The following ATE1 variants were observed in gnomAD, a reference collection of about 807,000 sequenced individuals.
ATE1 encodes arginyltransferase 1.
In ATE1, 36 loss-of-function variants were observed where a neutral mutation model predicts 70.5. The observed-to-expected ratio is 0.51, with a 90% CI of 0.39 to 0.67. The LOEUF (loss-of-function observed/expected upper bound fraction) is 0.67, where lower values mean the gene tolerates loss of function less well. Ranked by LOEUF, ATE1 falls within the 30% of genes least tolerant of loss-of-function variation. ATE1 has a pLI of 0.00. For synonymous variants in ATE1, 232 were observed against 219.3 expected (o/e 1.06, Z -0.51); for missense variants, 593 against 629.5 (o/e 0.94, Z 0.62).
chr10:121,914,387 G>T (rs569270343), intron 3 of ATE1, among the ~76,000 whole-genome samples: 1 of 149,708 alleles, frequency 6.7e-6, no homozygotes, highest in African/African-American at 2.5e-5. Context: ...TTTTTTTAAA[G>T]AGAGAAAGAC....
At chr10:121,902,265 T>C (rs1951011580) in intron 6 of ATE1, 126 bp downstream of exon 6, 1 of 892,712 alleles carries the variant, frequency 1.1e-6, no homozygotes, top group African/African-American at 1.7e-5. Flanking sequence ...TTCTCTTTAA[T>C]TTCTTTTAAA....
chr10:121,776,232 T>C (rs1262951691), intron 11 of ATE1, among the ~76,000 whole-genome samples: 1 of 152,222 alleles, frequency 6.6e-6, no homozygotes, highest in Non-Finnish European at 1.5e-5. Context: ...CTGTTAACTA[T>C]AGTTGCCCTA....
chr10:121,845,788 A>G (rs1422142196), intron 8 of ATE1, among the ~76,000 whole-genome samples: 1 of 152,226 alleles, frequency 6.6e-6, no homozygotes, highest in Non-Finnish European at 1.5e-5. Context: ...TTCATGTGCT[A>G]ATGGATTAGA....
chr10:121,811,241 T>C (rs966099021), intron 10 of ATE1, among the ~76,000 whole-genome samples: 3 of 152,100 alleles, frequency 2.0e-5, no homozygotes, highest in African/African-American at 7.2e-5. Flanking sequence ...TGTGTAAGTA[T>C]ATAAACATAC....
At chr10:121,913,619 T>C (rs998145028) in intron 4 of ATE1, among the ~76,000 whole-genome samples, 171 bp downstream of exon 4, 7 of 152,210 alleles carry the variant, frequency 4.6e-5, no homozygotes, top group African/African-American at 1.7e-4. Context: ...TTCCCATGCC[T>C]TGACTTGGGG....
At chr10:121,855,011 C>A (rs1011280053) in intron 8 of ATE1, among the ~76,000 whole-genome samples, 1 of 152,170 alleles carries the variant, frequency 6.6e-6, no homozygotes, top group Admixed American at 6.6e-5. Flanking sequence ...TGCCTAAAGA[C>A]ATGCCCGCAG....
chr10:121,918,937 G>A (rs983728806), intron 3 of ATE1, among the ~76,000 whole-genome samples: 4 of 152,000 alleles, frequency 2.6e-5, no homozygotes, highest in African/African-American at 7.3e-5. Flanking sequence ...ATTGTAAAAC[G>A]CACCAATCAG....
At chr10:121,762,838 C>T (rs1945109974) in intron 11 of ATE1, among the ~76,000 whole-genome samples, 1 of 152,166 alleles carries the variant, frequency 6.6e-6, no homozygotes, top group Non-Finnish European at 1.5e-5. Flanking sequence ...AGAAGCGTTT[C>T]AGTTTTTAGA....
At chr10:121,875,477 G>A (rs1372673159) in intron 7 of ATE1, among the ~76,000 whole-genome samples, 2 of 151,792 alleles carry the variant, frequency 1.3e-5, no homozygotes, top group African/African-American at 4.8e-5. Context: ...GCTAATTCTT[G>A]TATTTTTAGT....
At chr10:121,801,551 AATATAAAGAG>A (rs1379480179) in intron 10 of ATE1, among the ~76,000 whole-genome samples, 1 of 19,992 alleles carries the variant, frequency 5.0e-5, no homozygotes, top group Admixed American at 4.5e-4. Flanking sequence ...CAAAGAAGAT[AATATAAAGAG>A]AGAAAGAAAA....
chr10:121,747,802 A>G (rs184563724), intron 11 of ATE1, among the ~76,000 whole-genome samples: 89 of 152,368 alleles, frequency 5.8e-4, no homozygotes, highest in African/African-American at 2.1e-3. Context: ...CTTTGAAACA[A>G]TTATATGTTT....
chr10:121,745,576 A>C (rs571821104), intron 11 of ATE1, among the ~76,000 whole-genome samples: 16 of 152,186 alleles, frequency 1.1e-4, no homozygotes, highest in African/African-American at 3.9e-4. Context: ...AAAACAAAAA[A>C]ATTAGCCAGG....
At chr10:121,776,065 TA>T (rs1390395727) in intron 11 of ATE1, among the ~76,000 whole-genome samples, 2 of 152,190 alleles carry the variant, frequency 1.3e-5, no homozygotes, top group African/African-American at 4.8e-5. Flanking sequence ...TACATACCCA[TA>T]AAGGGGGATA....
intron 10 of ATE1, among the ~76,000 whole-genome samples, chr10:121,811,449 T>A (rs1947315431): frequency 6.6e-6 from 1 of 152,200 alleles, no homozygotes. Flanking sequence ...AATAAATAGT[T>A]CAACAAAAAG....
Position 121,916,035 on chromosome 10 carries a change from G to A in ATE1, c.234-2142C>T, listed in dbSNP as rs542014628. On this transcript the variant is annotated intron_variant, in intron 3 of 11. Coordinates refer to ENST00000224652, the MANE Select transcript of ATE1 (RefSeq NM_001001976.3). ...GCAGATCACAAGGTCAGGAGATGGA[G>A]ACCACCCTGGCTAACAAGGTGAAAC... Among the ~76,000 whole-genome samples, 4 of 151,228 alleles carry A rather than the reference G, an allele frequency of 2.6e-5. No homozygotes were observed. The East Asian group carries it at 5.9e-4, about 22-fold the overall frequency.
chr10:121,928,005 C>G lies in ATE1; in HGVS notation c.-56G>C. Reference sequence around the variant, plus strand: ...GGCCCCGCGTCGCTAGCGCGGCCGCCGCCGCCACCCCACAATGCAGCGCGC... The same window carrying G: ...GGCCCCGCGTCGCTAGCGCGGCCGCGGCCGCCACCCCACAATGCAGCGCGC... On this transcript the variant is annotated 5_prime_UTR_variant, in exon 1 of 12. Coordinates refer to ENST00000224652, the MANE Select transcript of ATE1 (RefSeq NM_001001976.3). 1 of 1,391,802 alleles carries G rather than the reference C, an allele frequency of 7.2e-7. No homozygotes were observed. Among genetic ancestry groups the G allele is most frequent in the Non-Finnish European group, 9.3e-7 (1 of 1,069,580 alleles). The allele number at this position is 1,391,802 out of a possible 1,614,324, so 86.2% of individuals were successfully genotyped here. A position where few individuals can be genotyped will look rare whatever the true frequency, so the allele number is the denominator to read the frequency against.
At chr10:121,875,728 G>A (rs1316215973) in intron 7 of ATE1, among the ~76,000 whole-genome samples, 1 of 152,096 alleles carries the variant, frequency 6.6e-6, no homozygotes, top group South Asian at 2.1e-4. Context: ...GTAAGTCTGG[G>A]AAATGCTCTT....
At chr10:121,927,371 G>A (rs1952137546) in intron 1 of ATE1, 1 of 984,456 alleles carries the variant, frequency 1.0e-6, no homozygotes, top group African/African-American at 1.8e-5. Flanking sequence ...GAGATGCAAA[G>A]GGCTCATCCT....
chr10:121,908,357 T>A (rs1404185358), intron 5 of ATE1, among the ~76,000 whole-genome samples: 3 of 152,002 alleles, frequency 2.0e-5, no homozygotes, highest in Non-Finnish European at 4.4e-5. Flanking sequence ...TATAAAAAAT[T>A]AGCCAGCTGT....
Sources: gnomAD v4.1 joint callset for allele counts (sites outside exome capture counted in the v4.1 genomes callset) on GRCh38, gnomAD v4.1.1 for gene constraint, MANE v1.5 for transcripts, NCBI Gene and HGNC (gene_info 2026-07-23, HGNC 2026-07-21) for gene names.